NLRP1: variants seen among roughly 807,000 people sequenced by gnomAD.
The protein encoded by NLRP1 is NACHT, LRR and PYD domains-containing protein 1.
A neutral mutation model predicts 136.7 loss-of-function variants in NLRP1; 94 were observed. That is an observed-to-expected ratio of 0.69 (90% CI 0.58 to 0.82). NLRP1 has a LOEUF of 0.82. Among genes scored for constraint, NLRP1 ranks in the 40% least tolerant of loss-of-function variants. NLRP1 has a pLI of 0.00. For synonymous variants in NLRP1, 690 were observed against 725.1 expected, an observed-to-expected ratio of 0.95 and a Z score of 0.78; for missense variants, 1,575 against 1,802.7, an observed-to-expected ratio of 0.87 and a Z score of 2.29.
intron 9 of NLRP1, among the ~76,000 whole-genome samples, chr17:5,533,676 T>G (rs555059196): frequency 1.3e-5 from 2 of 151,208 alleles, no homozygotes; most frequent in Non-Finnish European, 2.9e-5. Context: ...GCCATAGACG[T>G]TCTGGAGAGG....
chr17:5,556,193 T>C (rs577063447), intron 4 of NLRP1, among the ~76,000 whole-genome samples: 1 of 151,524 alleles, frequency 6.6e-6, no homozygotes, highest in South Asian at 2.1e-4. Context: ...CTCACATCTG[T>C]GATCCCAGCA....
At chr17:5,573,276 C>T (rs1904629438) in intron 3 of NLRP1, among the ~76,000 whole-genome samples, 2 of 152,124 alleles carry the variant, frequency 1.3e-5, no homozygotes, top group African/African-American at 4.8e-5. Context: ...GGGAGGGGTG[C>T]CCACCATTGC....
intron 6 of NLRP1, 137 bp from the exon 7 acceptor site, chr17:5,539,722 T>C: frequency 7.2e-7 from 1 of 1,397,590 alleles, no homozygotes; most frequent in Non-Finnish European, 9.3e-7. Context: ...ATACAAACTT[T>C]CCTGGCTTGC....
chr17:5,541,561 T>C lies in NLRP1; in HGVS notation c.2699+296A>G, dbSNP rs1238688808. Among the ~76,000 whole-genome samples, 1 of 152,156 alleles carries C rather than the reference T, an allele frequency of 6.6e-6. No homozygotes were observed. The highest frequency in any genetic ancestry group is 2.4e-5 in the African/African-American group (1 of 41,450). On this transcript the variant is annotated intron_variant, in intron 6 of 16. Transcript: ENST00000572272. The surrounding 1 kb of genome is among the most constrained non-coding windows in gnomAD (Gnocchi z 4.2). ...CTCTATGAAGTGGGCACGATTATCATCATCCTCTGTGGTAGTCTGTGAAAA... is the reference window on the plus strand; with the variant it reads ...CTCTATGAAGTGGGCACGATTATCACCATCCTCTGTGGTAGTCTGTGAAAA...
chr17:5,562,873 A>C (rs1914916173), intron 3 of NLRP1, among the ~76,000 whole-genome samples: 1 of 152,148 alleles, frequency 6.6e-6, no homozygotes, highest in South Asian at 2.1e-4. Context: ...TGGACTGTTG[A>C]GGCCAGCGGA....
chr17:5,542,096 C>T (rs1911939108), intron 5 of NLRP1, 69 bp from the exon 6 acceptor site: 5 of 1,462,816 alleles, frequency 3.4e-6, no homozygotes, highest in South Asian at 2.4e-5. Flanking sequence ...CCATAAGCAA[C>T]CATTAATCAC....
At chr17:5,557,502 G>A (rs1261592170) in intron 4 of NLRP1, among the ~76,000 whole-genome samples, 1 of 152,154 alleles carries the variant, frequency 6.6e-6, no homozygotes, top group Non-Finnish European at 1.5e-5. Flanking sequence ...ACACTCTGTT[G>A]TCATTAAATG....
chr17:5,540,660 G>C (rs1232987518), intron 6 of NLRP1, among the ~76,000 whole-genome samples: 3 of 152,208 alleles, frequency 2.0e-5, no homozygotes, highest in Non-Finnish European at 2.9e-5. Context: ...GTCTTCTGTA[G>C]ATGTAGCGAG....
In NLRP1 at chr17:5,532,823, G is replaced by A. The variant is rs769539719; in HGVS notation, c.3295C>T (p.Arg1099Ter). The change falls in exon 11 of 17, where the codon CGA becomes TGA. Residue 1099 changes from arginine to a stop codon, truncating the protein, a stop_gained and splice_region_variant. Coordinates refer to ENST00000572272, the MANE Select transcript of NLRP1 (RefSeq NM_033004.4). LOFTEE classifies it high-confidence loss of function. ...EVVDKEKNLY[R>*]VHFPVAGSYR... Reference sequence around the variant, plus strand: ...GACCAGCAGAGCCCCCTCACTCACCGGTACAAGTTCTTTTCTTTGTCAACT... The same window carrying A: ...GACCAGCAGAGCCCCCTCACTCACCAGTACAAGTTCTTTTCTTTGTCAACT... The A allele has an allele frequency of 3.8e-6, 6 of 1,596,168 alleles. No homozygotes were observed. The highest frequency in any genetic ancestry group is 1.1e-5 in the South Asian group (1 of 88,904).
At chr17:5,534,086 G>T (rs936220325) in intron 8 of NLRP1, 98 bp from the exon 9 acceptor site, 1 of 848,690 alleles carries the variant, frequency 1.2e-6, no homozygotes, top group African/African-American at 1.7e-5. Context: ...CTCGGGTCGG[G>T]TGCAGTGGCT....
chr17:5,551,825 A>G (rs1913398646), intron 5 of NLRP1, among the ~76,000 whole-genome samples: 1 of 152,162 alleles, frequency 6.6e-6, no homozygotes. Flanking sequence ...CTTGAAGTGC[A>G]ATGGCATAAT....
At chr17:5,575,119 G>A (rs1904880815) in intron 3 of NLRP1, among the ~76,000 whole-genome samples, 1 of 152,078 alleles carries the variant, frequency 6.6e-6, no homozygotes, top group Non-Finnish European at 1.5e-5. Flanking sequence ...AGTTCCTGAA[G>A]GAAGCACTAA....
exon 16 of NLRP1, chr17:5,501,617 G>GT: frequency 1.8e-6 from 1 of 540,948 alleles, no homozygotes; most frequent in South Asian, 2.1e-5. Flanking sequence ...TGTACAACCT[G>GT]TTTTCTCTTC....
At chr17:5,562,214 C>G (rs1302949388) in intron 3 of NLRP1, among the ~76,000 whole-genome samples, 1 of 152,234 alleles carries the variant, frequency 6.6e-6, no homozygotes, top group East Asian at 1.9e-4. Flanking sequence ...GGGAAGCACC[C>G]AGACAGCTGA....
At chr17:5,515,170 C>A in intron 16 of NLRP1, 97 bp from the exon 17 acceptor site, 1 of 1,172,286 alleles carries the variant, frequency 8.5e-7, no homozygotes, top group Admixed American at 2.0e-5. Flanking sequence ...TCGCTTCCTT[C>A]TGCCTCCAGA....
At chr17:5,515,894 C>T (rs1908041593) in intron 15 of NLRP1, among the ~76,000 whole-genome samples, 1 of 151,686 alleles carries the variant, frequency 6.6e-6, no homozygotes, top group Non-Finnish European at 1.5e-5. Context: ...ACCTCCTTGT[C>T]TGAGCAGAAA....
rs765384630 is a variant in NLRP1 at position 5,515,208 on chromosome 17, G to C, written c.4103-135C>G. 4.4e-6 allele frequency: 4 copies of C among 904,566 alleles called. No homozygotes were observed. In the East Asian group the frequency reaches 1.1e-4, roughly 24 times the overall value. The allele number at this position is 904,566 out of a possible 1,614,324, so 56.0% of individuals were successfully genotyped here. On this transcript the variant is annotated intron_variant, in intron 16 of 16. Coordinates refer to ENST00000572272, the MANE Select transcript of NLRP1 (RefSeq NM_033004.4). ...TGCACCTGTGTCCTCCCTCATGGCA[G>C]CATCTAGCTTGGCATTCTGCCAGAG... is the stretch of plus-strand genomic sequence containing the variant.
At chr17:5,580,169 A>T (rs894974205) in intron 3 of NLRP1, among the ~76,000 whole-genome samples, 1 of 152,146 alleles carries the variant, frequency 6.6e-6, no homozygotes, top group African/African-American at 2.4e-5. Flanking sequence ...CGGGAGGCAG[A>T]GCTTGCAGTG....
chr17:5,547,029 T>C (rs1236652469), intron 5 of NLRP1, among the ~76,000 whole-genome samples: 1 of 152,204 alleles, frequency 6.6e-6, no homozygotes, highest in Non-Finnish European at 1.5e-5. Context: ...CACTGAGTTG[T>C]GTCCAGCTCT....
Sources: gnomAD v4.1 joint callset for allele counts (sites outside exome capture counted in the v4.1 genomes callset) on GRCh38, gnomAD v4.1.1 for gene constraint, Gnocchi (gnomAD v3.1) non-coding constraint, MANE v1.5 for transcripts, NCBI Gene and HGNC (gene_info 2026-07-23, HGNC 2026-07-21) for gene names.